The following NAA30 variants were observed in gnomAD, a reference collection of about 807,000 sequenced individuals.
NAA30 encodes N-alpha-acetyltransferase 30, NatC catalytic subunit.
A neutral mutation model predicts 31.4 loss-of-function variants in NAA30; 5 were observed. The observed-to-expected ratio is 0.16, with a 90% confidence interval of 0.08 to 0.33. The LOEUF (loss-of-function observed/expected upper bound fraction) is 0.33, where lower values mean the gene tolerates loss of function less well. NAA30 is among the 10% of genes least tolerant of loss of function. NAA30 has a pLI of 1.00. For missense variants in NAA30, 428 were observed against 490.8 expected, an observed-to-expected ratio of 0.87 and a Z score of 1.21; for synonymous variants, 222 against 207.1, an observed-to-expected ratio of 1.07 and a Z score of -0.62.
intron 2 of NAA30, among the ~76,000 whole-genome samples, chr14:57,392,404 A>T (rs949178871): frequency 1.3e-5 from 2 of 150,386 alleles, no homozygotes. Flanking sequence ...ATTGTTACCG[A>T]TCTGATTTTT....
chr14:57,395,009 C>T (rs551673663), intron 2 of NAA30, among the ~76,000 whole-genome samples: 4 of 152,190 alleles, frequency 2.6e-5, no homozygotes, highest in Admixed American at 6.5e-5. Context: ...TATATACGCA[C>T]ATATATTTGA....
At chr14:57,399,744 A>G (rs1452765304) in intron 3 of NAA30, 84 bp from the exon 4 acceptor site, 2 of 804,080 alleles carry the variant, frequency 2.5e-6, no homozygotes, top group South Asian at 1.5e-5. Context: ...AGCATTTGAC[A>G]TTTCTGTGCT....
chr14:57,408,407 T>C (rs1389416533), intron 4 of NAA30, among the ~76,000 whole-genome samples: 1 of 152,224 alleles, frequency 6.6e-6, no homozygotes, highest in Non-Finnish European at 1.5e-5. Flanking sequence ...ATACCAGTTA[T>C]TCATTGTCAG....
rs943678879 is a variant in NAA30 at position 57,405,441 on chromosome 14, C to T, written c.952-3938C>T. Reference sequence around the variant, plus strand: ...TATGTGTATATATATATATATAAAACATCTTTAGTTTCACTGGAAACATTA... The same window carrying T: ...TATGTGTATATATATATATATAAAATATCTTTAGTTTCACTGGAAACATTA... On this transcript the variant is annotated intron_variant, in intron 4 of 4. Coordinates refer to ENST00000556492, the MANE Select transcript of NAA30 (RefSeq NM_001011713.3). Among the ~76,000 whole-genome samples the T allele has an allele frequency of 2.1e-5, 3 of 145,336 alleles. No homozygotes were observed. The Admixed American group carries it at 2.1e-4, about 10-fold the overall frequency.
In NAA30 at chr14:57,409,535, C is replaced by G. The variant is rs576200591; in HGVS notation, c.*19C>G. On this transcript the variant is annotated 3_prime_UTR_variant, in exon 5 of 5. Transcript: ENST00000556492. ...GCGTTGAGAAACTGACATCAAGGAA[C>G]AACTATCATCCGCACAGAATCGACC... The G allele has an allele frequency of 3.1e-6, 5 of 1,591,040 alleles. No individual in the cohort carries two copies. The African/African-American group carries it at 4.1e-5, about 13-fold the overall frequency.
At chr14:57,400,879 T>C (rs1338717668) in intron 4 of NAA30, among the ~76,000 whole-genome samples, 1 of 151,602 alleles carries the variant, frequency 6.6e-6, no homozygotes, top group Non-Finnish European at 1.5e-5. Flanking sequence ...TTGTTTGTTG[T>C]TGTGGGGTTT....
At chr14:57,409,236 T>G in intron 4 of NAA30, 143 bp from the exon 5 acceptor site, 1 of 689,378 alleles carries the variant, frequency 1.5e-6, no homozygotes, top group Non-Finnish European at 2.3e-6. Context: ...TGATGACTGT[T>G]TTTGAGTTCT....
intron 4 of NAA30, among the ~76,000 whole-genome samples, chr14:57,406,437 G>C (rs2066498385): frequency 6.6e-6 from 1 of 152,190 alleles, no homozygotes; most frequent in Non-Finnish European, 1.5e-5. Flanking sequence ...AGGTACAGTA[G>C]AGTAGTTACT....
chr14:57,408,494 A>G (rs2066509413), intron 4 of NAA30, among the ~76,000 whole-genome samples: 1 of 152,256 alleles, frequency 6.6e-6, no homozygotes, highest in Admixed American at 6.5e-5. Context: ...GCTTTGCTAT[A>G]TAGACCAGTG....
At chr14:57,399,412 G>A (rs1045130674) in intron 3 of NAA30, among the ~76,000 whole-genome samples, 1 of 152,152 alleles carries the variant, frequency 6.6e-6, no homozygotes, top group African/African-American at 2.4e-5. Context: ...TGTGTCCAGG[G>A]GAGTTTGAAG....
intron 4 of NAA30, among the ~76,000 whole-genome samples, chr14:57,400,891 T>TG: frequency 6.7e-6 from 1 of 150,238 alleles, no homozygotes; most frequent in African/African-American, 2.5e-5. Context: ...GTGGGGTTTT[T>TG]TTTTGTTTTT....
rs755410151 is a variant in NAA30, at chr14:57,391,367, G to A, written c.410G>A (p.Arg137Lys). The change falls in exon 2 of 5, where the codon AGG becomes AAG. Residue 137 changes from arginine to lysine, a missense_variant. Coordinates refer to ENST00000556492, the MANE Select transcript of NAA30 (RefSeq NM_001011713.3). The surrounding 1 kb of genome is among the most constrained non-coding windows in gnomAD (Gnocchi z 4.1). ...TKGAGVHSGE[R>K]PPHSLSSNAR... is the part of the protein sequence containing the mutation. ...GGAGCCGGGGTACACTCGGGCGAGA[G>A]GCCCCCTCACTCCCTCTCTAGTAAT... The A allele has an allele frequency of 8.6e-5, 139 of 1,611,284 alleles. No individual in the cohort carries two copies. Among genetic ancestry groups the A allele is most frequent in the Non-Finnish European group, 1.2e-4 (138 of 1,179,326 alleles).
intron 2 of NAA30, among the ~76,000 whole-genome samples, chr14:57,396,186 G>T (rs556268912): frequency 6.6e-6 from 1 of 152,044 alleles, no homozygotes; most frequent in Non-Finnish European, 1.5e-5. Flanking sequence ...TGTTGCCCAC[G>T]CTGATCTCAA....
chr14:57,412,503 T>A lies in NAA30; in HGVS notation c.*2987T>A, dbSNP rs1054474439. ...TGCACCATGACATCACTAAAATGAGTGCTGTAATGTTACAGGGCTTTCAGG... is the reference window on the plus strand; with the variant it reads ...TGCACCATGACATCACTAAAATGAGAGCTGTAATGTTACAGGGCTTTCAGG... On this transcript the variant is annotated 3_prime_UTR_variant, in exon 5 of 5. Coordinates refer to ENST00000556492, the MANE Select transcript of NAA30 (RefSeq NM_001011713.3). 2 of 152,164 alleles carry A rather than the reference T, an allele frequency of 1.3e-5. No individual in the cohort carries two copies. The highest frequency in any genetic ancestry group is 4.8e-5 in the African/African-American group (2 of 41,428). The allele number at this position is 152,164 out of a possible 1,614,324, so 9.4% of individuals were successfully genotyped here. A position where few individuals can be genotyped will look rare whatever the true frequency, so the allele number is the denominator to read the frequency against.
intron 2 of NAA30, among the ~76,000 whole-genome samples, chr14:57,393,529 A>T (rs79246869): frequency 6.6e-6 from 1 of 152,174 alleles, no homozygotes; most frequent in Non-Finnish European, 1.5e-5. Context: ...TAAGTTTCCC[A>T]TAGGAACTAT....
rs932012731 is a variant in NAA30 at position 57,410,568 on chromosome 14, C to G, written c.*1052C>G. The G allele has an allele frequency of 6.6e-6, 1 of 152,204 alleles. No individual in the cohort carries two copies. The highest frequency in any genetic ancestry group is 1.5e-5 in the Non-Finnish European group (1 of 68,000). The allele number at this position is 152,204 out of a possible 1,614,324, so 9.4% of individuals were successfully genotyped here. A position where few individuals can be genotyped will look rare whatever the true frequency, so the allele number is the denominator to read the frequency against. On this transcript the variant is annotated 3_prime_UTR_variant, in exon 5 of 5. Coordinates refer to ENST00000556492, the MANE Select transcript of NAA30 (RefSeq NM_001011713.3). Reference sequence around the variant, plus strand: ...TTTCATTTCTTAAAATGCTTCACTTCAGGTTCTTGGTCTTGGAAATAAATT... The same window carrying G: ...TTTCATTTCTTAAAATGCTTCACTTGAGGTTCTTGGTCTTGGAAATAAATT...
chr14:57,397,121 C>G (rs1384630744), intron 3 of NAA30, among the ~76,000 whole-genome samples: 1 of 152,078 alleles, frequency 6.6e-6, no homozygotes, highest in Non-Finnish European at 1.5e-5. Context: ...CAGCTTTCAC[C>G]TGCAGATTTT....
At position 57,409,368 on chromosome 14, in the gene NAA30, T is replaced by C; in HGVS notation, c.952-11T>C. 6.3e-7 allele frequency: 1 copy of C among 1,584,032 alleles called. No individual in the cohort carries two copies. The highest frequency in any genetic ancestry group is 1.2e-5 in the South Asian group (1 of 84,306). On this transcript the variant is annotated splice_polypyrimidine_tract_variant and intron_variant, in intron 4 of 4. Transcript: ENST00000556492. ...TAATTATAACTTAGTTTTTTTCTCA[T>C]TTCTTTGAAGGTTGTTTTGGAAACC...
At chr14:57,396,443 G>A (rs548501129) in intron 2 of NAA30, among the ~76,000 whole-genome samples, 123 of 151,110 alleles carry the variant, frequency 8.1e-4, no homozygotes, top group African/African-American at 2.9e-3. Context: ...GTGATTTTAA[G>A]CACCTCATAT....
Sources: allele counts gnomAD v4.1 joint callset (sites outside exome capture counted in the v4.1 genomes callset), GRCh38; gene constraint gnomAD v4.1.1; non-coding constraint Gnocchi (gnomAD v3.1); transcripts MANE v1.5; gene names NCBI Gene and HGNC (gene_info 2026-07-23, HGNC 2026-07-21).